Variants in ZDHHC11 observed in about 807,000 individuals in gnomAD.
ZDHHC11 encodes the protein zDHHC palmitoyltransferase 11.
A neutral mutation model predicts 51.3 loss-of-function variants in ZDHHC11; 44 were observed. The observed-to-expected ratio is 0.86, with a 90% confidence interval of 0.67 to 1.10. The LOEUF (loss-of-function observed/expected upper bound fraction) is 1.10, where lower values mean the gene tolerates loss of function less well. Ranked by LOEUF, ZDHHC11 falls within the 50% of genes least tolerant of loss-of-function variation. ZDHHC11 has a pLI of 0.00. For missense variants in ZDHHC11, 400 were observed against 537.7 expected (o/e 0.74, Z 2.53); for synonymous variants, 163 against 222.0 (o/e 0.73, Z 2.36).
At chr5:824,123 G>T (rs1312954060) in intron 8 of ZDHHC11, 1 of 453,438 alleles carries the variant, frequency 2.2e-6, no homozygotes, top group South Asian at 1.6e-5. Flanking sequence ...GAACACACCT[G>T]TAACCTCCAG....
chr5:805,886 G>T (rs1340528639), intron 11 of ZDHHC11, among the ~76,000 whole-genome samples: 2 of 151,208 alleles, frequency 1.3e-5, no homozygotes, highest in Admixed American at 1.3e-4. Context: ...CAAGGGTGAG[G>T]AGCGAGGATG....
chr5:840,998 CG>C, intron 4 of ZDHHC11: 1 of 1,258,838 alleles, frequency 7.9e-7, no homozygotes. Flanking sequence ...TCCTAAGTGC[CG>C]GGGTCACAGC....
chr5:818,488 G>T (rs1217221252), intron 10 of ZDHHC11, among the ~76,000 whole-genome samples: 1 of 151,630 alleles, frequency 6.6e-6, no homozygotes, highest in African/African-American at 2.4e-5. Flanking sequence ...GTGTGGTGAG[G>T]CGGCCCTGCC....
At chr5:829,174 C>CA (rs72604286) in intron 7 of ZDHHC11, among the ~76,000 whole-genome samples, 1 of 146,602 alleles carries the variant, frequency 6.8e-6, no homozygotes, top group Non-Finnish European at 1.5e-5. Context: ...GAAATTCAAA[C>CA]AAAAAAACAA....
upstream of ZDHHC11, among the ~76,000 whole-genome samples, chr5:851,436 C>T (rs1044816768): frequency 6.6e-6 from 1 of 152,054 alleles, no homozygotes; most frequent in South Asian, 2.1e-4. Context: ...AGGGGCTGGG[C>T]GGTCTCTACA....
chr5:843,203 TC>T, intron 4 of ZDHHC11: 1 of 380,796 alleles, frequency 2.6e-6, no homozygotes, highest in Admixed American at 3.8e-5. Context: ...CAGCGCTGCC[TC>T]CACTCTCCCT....
At chr5:843,902 AGG>A (rs2150417597) in intron 3 of ZDHHC11, among the ~76,000 whole-genome samples, 178 bp from the exon 4 acceptor site, 1 of 103,418 alleles carries the variant, frequency 9.7e-6, no homozygotes, top group East Asian at 3.7e-4. Context: ...GCGGGGAGGC[AGG>A]GGCAGGGACA....
chr5:815,911 T>C, intron 10 of ZDHHC11, among the ~76,000 whole-genome samples: 1 of 151,708 alleles, frequency 6.6e-6, no homozygotes, highest in East Asian at 1.9e-4. Context: ...GCCTGGCTTA[T>C]CTTGTTGATC....
intron 8 of ZDHHC11, among the ~76,000 whole-genome samples, chr5:822,600 T>C (rs1741709627): frequency 6.6e-6 from 1 of 151,552 alleles, no homozygotes; most frequent in Admixed American, 6.6e-5. Context: ...GCATCATCTT[T>C]CATCCCCATG....
intron 11 of ZDHHC11, among the ~76,000 whole-genome samples, chr5:813,121 G>C (rs1181613841): frequency 6.9e-6 from 1 of 145,120 alleles, no homozygotes; most frequent in African/African-American, 2.7e-5. Context: ...CAAATCGCTT[G>C]AGCTCAGGAG....
chr5:818,164 T>C (rs995521032), intron 10 of ZDHHC11, among the ~76,000 whole-genome samples: 24 of 148,916 alleles, frequency 1.6e-4, no homozygotes, highest in Admixed American at 3.3e-4. Context: ...CTGTAAATCG[T>C]CATCTACACC....
chr5:848,738 G>T, intron 1 of ZDHHC11, 78 bp from the exon 2 acceptor site: 1 of 1,566,304 alleles, frequency 6.4e-7, no homozygotes, highest in South Asian at 1.2e-5. Context: ...CAAGGGCCCA[G>T]AAGAGGCGTG....
At chr5:810,317 G>C (rs1241517476) in intron 11 of ZDHHC11, among the ~76,000 whole-genome samples, 1 of 148,420 alleles carries the variant, frequency 6.7e-6, no homozygotes, top group Admixed American at 6.8e-5. Flanking sequence ...GTCTTCACAC[G>C]CGAAATCCTG....
rs750294771 is a variant in ZDHHC11, at chr5:819,973, C to T, written c.1059-361G>A. Among the ~76,000 whole-genome samples, 10 of 151,362 alleles carry T rather than the reference C, an allele frequency of 6.6e-5. 1 individual carries two copies. The highest frequency in any genetic ancestry group is 1.5e-4 in the Non-Finnish European group (10 of 67,688). On this transcript the variant is annotated intron_variant, in intron 9 of 12. Transcript: ENST00000283441. ...GTGACTGTAATTTTATAAAACAGCA[C>T]ATCATACATGTCACAGGGGTGTCAG...
chr5:820,672 C>A (rs901399048), intron 9 of ZDHHC11, among the ~76,000 whole-genome samples: 4 of 151,252 alleles, frequency 2.6e-5, no homozygotes, highest in African/African-American at 9.7e-5. Flanking sequence ...TGATGTGGTC[C>A]CCTCCCAATG....
intron 3 of ZDHHC11, among the ~76,000 whole-genome samples, chr5:844,699 C>A (rs1461336706): frequency 1.3e-5 from 2 of 152,312 alleles, no homozygotes; most frequent in African/African-American, 2.4e-5. Context: ...GGAACTCGGG[C>A]TGAGGAGGCC....
intron 11 of ZDHHC11, 101 bp downstream of exon 11, chr5:814,660 T>C (rs550368939): frequency 1.6e-6 from 2 of 1,261,828 alleles, no homozygotes; most frequent in Non-Finnish European, 2.1e-6. Context: ...TGTCATCAGA[T>C]TATTTGAACA....
chr5:852,276 C>T (rs1373190080), upstream of ZDHHC11, among the ~76,000 whole-genome samples: 2 of 152,188 alleles, frequency 1.3e-5, no homozygotes, highest in African/African-American at 4.8e-5. Flanking sequence ...AGAGGGGAAT[C>T]GCTCAGCGGC....
chr5:857,416 A>C (rs1457916585), intron 1 of ZDHHC11, among the ~76,000 whole-genome samples: 1 of 152,050 alleles, frequency 6.6e-6, no homozygotes, highest in African/African-American at 2.4e-5. Flanking sequence ...ATCCCACCCT[A>C]TCAGGTCTTT....
Sources: allele counts gnomAD v4.1 joint callset (sites outside exome capture counted in the v4.1 genomes callset), GRCh38; gene constraint gnomAD v4.1.1; transcripts MANE v1.5; gene names NCBI Gene and HGNC (gene_info 2026-07-23, HGNC 2026-07-21).